The following CELF1 variants were observed in gnomAD, a reference collection of about 807,000 sequenced individuals.
CELF1 encodes CUGBP Elav-like family member 1, also known as 50 kDa nuclear polyadenylated RNA-binding protein.
In CELF1, 10 loss-of-function variants were observed where a neutral mutation model predicts 61.8. That is an observed-to-expected ratio of 0.16 (90% CI 0.10 to 0.27). CELF1 has a LOEUF of 0.27. Among genes scored for constraint, CELF1 ranks in the 10% least tolerant of loss-of-function variants. The pLI is 1.00. For missense variants in CELF1, 380 were observed against 639.1 expected (o/e 0.59, Z 4.37); for synonymous variants, 236 against 225.1 (o/e 1.05, Z -0.43).
In CELF1 at chr11:47,475,238, GACC is replaced by G. The variant is rs1321450664; in HGVS notation, c.1273+95_1273+97del. 3.2e-5 allele frequency: 35 copies of G among 1,093,414 alleles called. No homozygotes were observed. In the Admixed American group the frequency reaches 6.5e-4, roughly 20 times the overall value. 67.7% of individuals were successfully genotyped at this position (1,093,414 alleles called of 1,614,324 possible). On this transcript the variant is annotated intron_variant, in intron 13 of 14. Transcript: ENST00000687097. The stretch of plus-strand genomic sequence containing the variant: ...TGTCAAAGAAAAACAATGGTCTGAC[GACC>G]TAACTGGTTCCCTCAGCCTTTGCTC...
At chr11:47,538,128 G>C (rs145052650) in intron 1 of CELF1, among the ~76,000 whole-genome samples, 179 of 151,948 alleles carry the variant, frequency 1.2e-3, no homozygotes, top group African/African-American at 4.0e-3. Flanking sequence ...GCCCAAGCTG[G>C]TCTCAAACTC....
chr11:47,529,494 C>T (rs1476794610), intron 1 of CELF1, among the ~76,000 whole-genome samples: 1 of 152,136 alleles, frequency 6.6e-6, no homozygotes, highest in Non-Finnish European at 1.5e-5. Context: ...CGAGAGCAGC[C>T]TGGCCAACAT....
intron 1 of CELF1, among the ~76,000 whole-genome samples, chr11:47,545,468 T>C (rs2096909230): frequency 6.6e-6 from 1 of 151,920 alleles, no homozygotes; most frequent in South Asian, 2.1e-4. Flanking sequence ...TTCAGAACCA[T>C]AAAGTCTCCA....
chr11:47,558,589 T>TAGA (rs1555194427), intron 2 of CELF1, among the ~76,000 whole-genome samples: 17 of 110,562 alleles, frequency 1.5e-4, no homozygotes, highest in African/African-American at 5.4e-4. Flanking sequence ...ATATATATAT[T>TAGA]TATATTATAT....
chr11:47,474,135 G>C (rs1481054276), intron 13 of CELF1, among the ~76,000 whole-genome samples: 1 of 152,180 alleles, frequency 6.6e-6, no homozygotes, highest in Non-Finnish European at 1.5e-5. Flanking sequence ...CTGATCTCAT[G>C]ATCTGCCTGC....
intron 1 of CELF1, among the ~76,000 whole-genome samples, chr11:47,534,140 T>G (rs1029948715): frequency 2.1e-5 from 3 of 145,174 alleles, no homozygotes; most frequent in Admixed American, 7.2e-5. Context: ...ACTACTCTCC[T>G]GCCTCAGCCT....
intron 8 of CELF1, 97 bp downstream of exon 8, chr11:47,483,356 G>T (rs2084632454): frequency 3.4e-6 from 3 of 892,716 alleles, no homozygotes; most frequent in Middle Eastern, 2.4e-4. Flanking sequence ...TAACCTTCTG[G>T]GCAATCAGAT....
At chr11:47,529,598 G>A (rs2096391117) in intron 1 of CELF1, among the ~76,000 whole-genome samples, 1 of 152,054 alleles carries the variant, frequency 6.6e-6, no homozygotes, top group Non-Finnish European at 1.5e-5. Flanking sequence ...AGTGGAGGTT[G>A]TAGTGAGCCG....
intron 1 of CELF1, among the ~76,000 whole-genome samples, chr11:47,538,213 C>T (rs2096678451): frequency 6.6e-6 from 1 of 152,062 alleles, no homozygotes; most frequent in Non-Finnish European, 1.5e-5. Context: ...ATGCCTGGCC[C>T]ATAATATTGT....
intron 1 of CELF1, among the ~76,000 whole-genome samples, chr11:47,538,969 A>G (rs1411412432): frequency 1.3e-5 from 2 of 152,206 alleles, no homozygotes; most frequent in Non-Finnish European, 2.9e-5. Context: ...CCCTTTGTTT[A>G]AAGTCTCAAC....
At chr11:47,509,557 A>T (rs953604204) in intron 1 of CELF1, among the ~76,000 whole-genome samples, 6 of 152,008 alleles carry the variant, frequency 3.9e-5, no homozygotes, top group Non-Finnish European at 8.8e-5. Context: ...TTGTCTCCCC[A>T]CCCCACTCCA....
At chr11:47,477,138 T>C in intron 11 of CELF1, 159 bp downstream of exon 11, 1 of 917,232 alleles carries the variant, frequency 1.1e-6, no homozygotes. Context: ...TCAGGAAGAT[T>C]TCTCTTAAGT....
At chr11:47,512,502 A>C (rs551976702) in intron 1 of CELF1, among the ~76,000 whole-genome samples, 1 of 144,424 alleles carries the variant, frequency 6.9e-6, no homozygotes, top group African/African-American at 2.6e-5. Flanking sequence ...CTGCCCAGCT[A>C]ATTTTTTTTG....
At chr11:47,495,880 C>G (rs951220767) in intron 3 of CELF1, 1 of 510,814 alleles carries the variant, frequency 2.0e-6, no homozygotes, top group African/African-American at 2.1e-5. Context: ...TTTTCACTCC[C>G]CCTTTCTCAT....
chr11:47,486,933 A>AGAAAACAGAATGTGAGT, intron 5 of CELF1, 135 bp from the exon 6 acceptor site: 1 of 777,890 alleles, frequency 1.3e-6, no homozygotes, highest in East Asian at 2.6e-5. Flanking sequence ...ATCTTTCCCC[A>AGAAAACAGAATGTGAGT]GAAAACAGAA....
chr11:47,488,706 CAGAG>C (rs1000360433), intron 4 of CELF1, 127 bp downstream of exon 4: 2 of 631,764 alleles, frequency 3.2e-6, no homozygotes, highest in Non-Finnish European at 5.1e-6. Context: ...CTGGCAATGA[CAGAG>C]AGAATGCACA....
At chr11:47,540,937 T>C (rs756271197) in intron 1 of CELF1, among the ~76,000 whole-genome samples, 9 of 151,884 alleles carry the variant, frequency 5.9e-5, no homozygotes, top group Non-Finnish European at 1.3e-4. Context: ...AGCCAGTAAA[T>C]GGCACAGGTG....
At chr11:47,551,473 G>A (rs1472105148) in intron 1 of CELF1, among the ~76,000 whole-genome samples, 2 of 152,080 alleles carry the variant, frequency 1.3e-5, no homozygotes, top group Non-Finnish European at 1.5e-5. Context: ...AACATGAGAA[G>A]AAAATCACTG....
chr11:47,514,531 G>A (rs1459552854), intron 1 of CELF1, among the ~76,000 whole-genome samples: 1 of 152,030 alleles, frequency 6.6e-6, no homozygotes, highest in Non-Finnish European at 1.5e-5. Context: ...ACTCAGATGA[G>A]GCAAACAGAG....
Sources: gnomAD v4.1 joint callset for allele counts (sites outside exome capture counted in the v4.1 genomes callset) on GRCh38, gnomAD v4.1.1 for gene constraint, MANE v1.5 for transcripts, NCBI Gene and HGNC (gene_info 2026-07-23, HGNC 2026-07-21) for gene names.